Variants in ELAPOR2 observed in about 807,000 individuals in gnomAD.
The protein encoded by ELAPOR2 is endosome-lysosome associated apoptosis and autophagy regulator family member 2, also known as endosome/lysosome-associated apoptosis and autophagy regulator family member 2.
ELAPOR2 carries 89 observed loss-of-function variants against 120.7 expected under a neutral mutation model. That is an observed-to-expected ratio of 0.74 (90% CI 0.62 to 0.88). ELAPOR2 has a LOEUF of 0.88. ELAPOR2 is among the 40% of genes least tolerant of loss of function. The probability of loss-of-function intolerance (pLI) is 0.00; values close to 1 mark genes in which losing one functional copy is unlikely to be tolerated. For missense variants in ELAPOR2, 1,134 were observed against 1,251.6 expected, an observed-to-expected ratio of 0.91 and a Z score of 1.42; for synonymous variants, 444 against 444.9, an observed-to-expected ratio of 1.00 and a Z score of 0.03.
intron 1 of ELAPOR2, among the ~76,000 whole-genome samples, chr7:86,995,064 A>G (rs1271022223): frequency 6.6e-6 from 1 of 152,178 alleles, no homozygotes; most frequent in Non-Finnish European, 1.5e-5. Flanking sequence ...TTTTCTTACC[A>G]GGGCTAGCTT....
At chr7:86,903,591 T>A (rs1205180035) in intron 18 of ELAPOR2, among the ~76,000 whole-genome samples, 1 of 152,200 alleles carries the variant, frequency 6.6e-6, no homozygotes, top group Non-Finnish European at 1.5e-5. Flanking sequence ...ATAGATCTGA[T>A]GAATTTGATA....
intron 1 of ELAPOR2, among the ~76,000 whole-genome samples, chr7:87,039,907 G>C (rs1341110010): frequency 6.6e-6 from 1 of 152,144 alleles, no homozygotes; most frequent in Non-Finnish European, 1.5e-5. Flanking sequence ...AGGTCAGTGG[G>C]TGCGCGCACC....
intron 1 of ELAPOR2, among the ~76,000 whole-genome samples, chr7:87,040,658 G>T (rs543335765): frequency 9.9e-4 from 151 of 152,282 alleles, no homozygotes; most frequent in East Asian, 3.9e-4. Context: ...ACCACAAAGA[G>T]GGGAAAAAAC....
Position 86,944,919 on chromosome 7 carries a change from T to G in ELAPOR2, c.634A>C (p.Asn212His). 6.5e-7 allele frequency: 1 copy of G among 1,545,260 alleles called. No individual in the cohort carries two copies. Among genetic ancestry groups the G allele is most frequent in the Non-Finnish European group, 8.7e-7 (1 of 1,145,368 alleles). ...CTTACAAAGAACTCAAAGAAGATGT[T>G]GTTGTCGACATACTGGTACTCAAAG... is the stretch of plus-strand genomic sequence containing the variant. ...VFFEYQYVDN[N>H]IFFEFFIQND... is the part of the protein sequence containing the mutation. Residue 212 changes from asparagine (N) to histidine (H), a missense_variant, in exon 4 of 22, where the codon AAC (asparagine) becomes CAC (histidine). Asn to His is a moderately conservative substitution (Grantham distance 68, BLOSUM62 1). Around this residue, in one of 3 missense-constraint regions of ELAPOR2, gnomAD observed 280 missense variants for 331.5 expected, o/e 0.84. Coordinates refer to ENST00000450689, the MANE Select transcript of ELAPOR2 (RefSeq NM_001142749.3).
At chr7:86,945,892 A>C (rs1790979054) in intron 3 of ELAPOR2, among the ~76,000 whole-genome samples, 1 of 152,122 alleles carries the variant, frequency 6.6e-6, no homozygotes, top group Non-Finnish European at 1.5e-5. Context: ...AATTGGGAAG[A>C]AGTGTTACAC....
intron 8 of ELAPOR2, among the ~76,000 whole-genome samples, chr7:86,927,761 A>G (rs535576629): frequency 4.6e-5 from 7 of 152,076 alleles, no homozygotes; most frequent in Non-Finnish European, 8.8e-5. Flanking sequence ...GAAAACAGAA[A>G]AGGAATTCTA....
chr7:86,925,801 T>C, intron 9 of ELAPOR2, 145 bp from the exon 10 acceptor site: 1 of 712,638 alleles, frequency 1.4e-6, no homozygotes, highest in Non-Finnish European at 2.3e-6. Flanking sequence ...CCTCAGGATG[T>C]ACTAACTTTT....
chr7:86,909,123 C>A (rs536213190), intron 16 of ELAPOR2, among the ~76,000 whole-genome samples: 2 of 151,880 alleles, frequency 1.3e-5, no homozygotes, highest in Non-Finnish European at 2.9e-5. Context: ...CCAATCTGAG[C>A]AACCCCCACC....
intron 1 of ELAPOR2, among the ~76,000 whole-genome samples, chr7:87,040,343 A>T (rs1340018102): frequency 6.6e-6 from 1 of 152,250 alleles, no homozygotes; most frequent in Admixed American, 6.5e-5. Context: ...AAAAGACAGC[A>T]GTAACCTCTG....
intron 18 of ELAPOR2, 68 bp downstream of exon 18, chr7:86,907,602 A>T: frequency 2.0e-6 from 2 of 980,524 alleles, no homozygotes; most frequent in Non-Finnish European, 3.0e-6. Context: ...AATATGTTTT[A>T]AAATAGTAAC....
At chr7:87,003,733 T>C (rs1793388090) in intron 1 of ELAPOR2, among the ~76,000 whole-genome samples, 1 of 152,164 alleles carries the variant, frequency 6.6e-6, no homozygotes, top group African/African-American at 2.4e-5. Flanking sequence ...TCAACATTCA[T>C]CAAGGAATGT....
chr7:87,002,270 A>G (rs1583977069), intron 1 of ELAPOR2, among the ~76,000 whole-genome samples: 1 of 152,070 alleles, frequency 6.6e-6, no homozygotes, highest in Non-Finnish European at 1.5e-5. Context: ...TGAGGAGGGG[A>G]GAAAGTGGCC....
chr7:86,907,796 T>A (rs1789095753), intron 17 of ELAPOR2, 25 bp from the exon 18 acceptor site: 2 of 1,371,040 alleles, frequency 1.5e-6, no homozygotes, highest in Admixed American at 2.6e-5. Context: ...ATAACATTTT[T>A]AAAAAACAGA....
At chr7:86,958,528 G>C (rs187220783) in intron 2 of ELAPOR2, among the ~76,000 whole-genome samples, 194 of 152,266 alleles carry the variant, frequency 1.3e-3, no homozygotes, top group Middle Eastern at 0.01. Context: ...CAGAGTCCTT[G>C]GTAGGACAGA....
intron 10 of ELAPOR2, among the ~76,000 whole-genome samples, chr7:86,922,350 A>G (rs1446667319): frequency 6.6e-6 from 1 of 151,588 alleles, no homozygotes; most frequent in East Asian, 1.9e-4. Context: ...TTCTGTGTAT[A>G]TTTTATATTT....
At chr7:86,953,182 T>C (rs1225162673) in intron 2 of ELAPOR2, among the ~76,000 whole-genome samples, 1 of 151,886 alleles carries the variant, frequency 6.6e-6, no homozygotes, top group Non-Finnish European at 1.5e-5. Context: ...TGCCAGTGGA[T>C]TACATCCTTC....
chr7:86,974,248 C>T (rs1401502468), intron 1 of ELAPOR2, among the ~76,000 whole-genome samples: 2 of 152,098 alleles, frequency 1.3e-5, no homozygotes, highest in African/African-American at 4.8e-5. Flanking sequence ...TGCAAGGTTT[C>T]AGCAACTGCT....
chr7:87,056,864 C>T (rs2189519), intron 1 of ELAPOR2, among the ~76,000 whole-genome samples: 48,935 of 151,956 alleles, frequency 0.32, 9,402 homozygotes, highest in African/African-American at 0.54. Flanking sequence ...ACTACTTCTA[C>T]AAAAATATTA....
intron 1 of ELAPOR2, among the ~76,000 whole-genome samples, chr7:87,034,493 C>A (rs4728664): frequency 6.6e-6 from 1 of 151,164 alleles, no homozygotes; most frequent in Admixed American, 6.6e-5. Context: ...AAAATGAGAT[C>A]ATTAAAAAAA....
Sources: allele counts gnomAD v4.1 joint callset (sites outside exome capture counted in the v4.1 genomes callset), GRCh38; gene constraint gnomAD v4.1.1; regional missense constraint gnomAD v4.1.1; transcripts MANE v1.5; gene names NCBI Gene and HGNC (gene_info 2026-07-23, HGNC 2026-07-21).